UCK2: variants seen among roughly 807,000 people sequenced by gnomAD.
The protein encoded by UCK2 is cytidine monophosphokinase 2.
In UCK2, 6 loss-of-function variants were observed where a neutral mutation model predicts 30.8. That is an observed-to-expected ratio of 0.19 (90% confidence interval 0.11 to 0.38). The LOEUF (loss-of-function observed/expected upper bound fraction) is 0.38, where lower values mean the gene tolerates loss of function less well. UCK2 is among the 10% of genes least tolerant of loss of function. The probability of loss-of-function intolerance (pLI) is 1.00; values close to 1 mark genes in which losing one functional copy is unlikely to be tolerated. For synonymous variants in UCK2, 125 were observed against 133.6 expected (o/e 0.94, Z 0.45); for missense variants, 210 against 339.8 (o/e 0.62, Z 3.00).
At chr1:165,906,661 C>A (rs1647672822) in intron 6 of UCK2, among the ~76,000 whole-genome samples, 1 of 152,258 alleles carries the variant, frequency 6.6e-6, no homozygotes, top group Non-Finnish European at 1.5e-5. Flanking sequence ...AGCCATAGCA[C>A]CTGGCCCCAT....
intron 6 of UCK2, among the ~76,000 whole-genome samples, chr1:165,907,286 T>C (rs1647696365): frequency 6.6e-6 from 1 of 152,028 alleles, no homozygotes; most frequent in Non-Finnish European, 1.5e-5. Flanking sequence ...GGATGCTCTG[T>C]CTTAGGATGG....
chr1:165,868,235 A>T (rs1338001655), intron 1 of UCK2, among the ~76,000 whole-genome samples: 1 of 152,242 alleles, frequency 6.6e-6, no homozygotes, highest in East Asian at 1.9e-4. Flanking sequence ...CCATTTACAG[A>T]GCACAGGCAG....
rs530195309 is a variant in UCK2 at position 165,878,371 on chromosome 1, C to T, written c.100-11833C>T. ...TTTGAGACAGAGTCTTGCTCTGTCA[C>T]CCGGGCTGGAGTGCAATGGCGCAAT... On this transcript the variant is annotated intron_variant, in intron 1 of 6. Transcript: ENST00000367879. Among the ~76,000 whole-genome samples the T allele has an allele frequency of 2.0e-5, 3 of 151,602 alleles. No individual in the cohort carries two copies. The South Asian group carries it at 6.3e-4, about 32-fold the overall frequency.
At chr1:165,873,776 C>T (rs535261908) in intron 1 of UCK2, among the ~76,000 whole-genome samples, 11 of 152,254 alleles carry the variant, frequency 7.2e-5, no homozygotes, top group East Asian at 1.9e-4. Context: ...AGTGCCGAGA[C>T]GTGGGGGGTG....
chr1:165,902,361 A>G (rs1255725467), intron 4 of UCK2, among the ~76,000 whole-genome samples: 1 of 152,014 alleles, frequency 6.6e-6, no homozygotes, highest in Non-Finnish European at 1.5e-5. Context: ...GTAGTGAGCT[A>G]TGACTGTGCT....
intron 1 of UCK2, among the ~76,000 whole-genome samples, chr1:165,830,175 T>G (rs1356503326): frequency 6.6e-6 from 1 of 151,836 alleles, no homozygotes; most frequent in Non-Finnish European, 1.5e-5. Context: ...CCGACTAATT[T>G]TTTTTTTTTT....
chr1:165,895,526 A>G lies in UCK2; in HGVS notation c.357-664A>G, dbSNP rs942409009. 10 of 985,318 alleles carry G rather than the reference A, an allele frequency of 1.0e-5. No homozygotes were observed. The African/African-American group carries it at 1.7e-4, about 17-fold the overall frequency. The allele number at this position is 985,318 out of a possible 1,614,324, so 61.0% of individuals were successfully genotyped here. On this transcript the variant is annotated intron_variant, in intron 3 of 6. Transcript: ENST00000367879. The stretch of plus-strand genomic sequence containing the variant: ...GGTCATGCATATTTCTGCTTTATTG[A>G]TAAGGAAGAGCAGCTCTAGGGAGCT...
chr1:165,881,311 T>C (rs1361726450), intron 1 of UCK2, among the ~76,000 whole-genome samples: 1 of 152,190 alleles, frequency 6.6e-6, no homozygotes, highest in East Asian at 1.9e-4. Flanking sequence ...GTCAGAGTAT[T>C]TGTACTATAT....
chr1:165,840,117 C>G (rs1485886881), intron 1 of UCK2, among the ~76,000 whole-genome samples: 1 of 152,148 alleles, frequency 6.6e-6, no homozygotes, highest in Non-Finnish European at 1.5e-5. Flanking sequence ...CGGGGTTTCA[C>G]CATGTTGGCC....
chr1:165,874,796 G>C (rs578087639), intron 1 of UCK2, among the ~76,000 whole-genome samples: 1 of 152,292 alleles, frequency 6.6e-6, no homozygotes, highest in African/African-American at 2.4e-5. Context: ...AGTTGCTTGG[G>C]CATTCTAGAA....
intron 1 of UCK2, among the ~76,000 whole-genome samples, chr1:165,886,304 AT>A (rs201420135): frequency 0.014 from 2,142 of 151,270 alleles, 44 homozygotes; most frequent in Admixed American, 0.052. Context: ...TTTCTCTCTT[AT>A]TTTTTTAGAG....
At chr1:165,876,785 C>G (rs1337079264) in intron 1 of UCK2, among the ~76,000 whole-genome samples, 6 of 152,184 alleles carry the variant, frequency 3.9e-5, no homozygotes, top group African/African-American at 1.4e-4. Flanking sequence ...TCTGGAAGAT[C>G]TGAAGGAGAC....
At chr1:165,889,672 ACTCTTCT>A (rs1414397250) in intron 1 of UCK2, among the ~76,000 whole-genome samples, 1 of 137,272 alleles carries the variant, frequency 7.3e-6, no homozygotes, top group Non-Finnish European at 1.5e-5. Flanking sequence ...TGTAAGGCGG[ACTCTTCT>A]CCGTTAGCCT....
chr1:165,851,550 C>T (rs1188993950), intron 1 of UCK2, among the ~76,000 whole-genome samples: 3 of 152,112 alleles, frequency 2.0e-5, no homozygotes, highest in African/African-American at 4.8e-5. Flanking sequence ...TGCCACTCCC[C>T]GACCCCTGCA....
Position 165,833,565 on chromosome 1 carries a change from A to G in UCK2, c.99+5633A>G, listed in dbSNP as rs1368993274. ...CTTTGAAGTATGGTTTCTGATGCTC[A>G]CTCTGTTTGTGGTCACCTACCAGTT... On this transcript the variant is annotated intron_variant, in intron 1 of 6. Transcript: ENST00000367879. 9.2e-5 allele frequency among the ~76,000 whole-genome samples: 14 copies of G among 151,934 alleles called. No homozygotes were observed. The South Asian group carries it at 2.9e-3, about 32-fold the overall frequency.
chr1:165,841,499 T>C (rs1252319069), intron 1 of UCK2, among the ~76,000 whole-genome samples: 4 of 152,194 alleles, frequency 2.6e-5, no homozygotes, highest in Admixed American at 1.3e-4. Flanking sequence ...ACTACTTCTT[T>C]AATCCAGGTC....
intron 1 of UCK2, among the ~76,000 whole-genome samples, chr1:165,833,141 A>C (rs1477627332): frequency 6.6e-6 from 1 of 152,140 alleles, no homozygotes; most frequent in Non-Finnish European, 1.5e-5. Flanking sequence ...CTTGGTCGCC[A>C]TCCCCATCCA....
intron 4 of UCK2, among the ~76,000 whole-genome samples, chr1:165,897,048 G>A (rs1402508653): frequency 3.3e-5 from 5 of 152,226 alleles, no homozygotes; most frequent in Non-Finnish European, 7.3e-5. Context: ...GGATGTGGTG[G>A]GGTAGGGTGA....
At chr1:165,834,807 C>T (rs1425695490) in intron 1 of UCK2, among the ~76,000 whole-genome samples, 7 of 152,068 alleles carry the variant, frequency 4.6e-5, no homozygotes, top group Non-Finnish European at 1.5e-5. Context: ...CTGTGAATGC[C>T]TACACTTAAC....
Sources: gnomAD v4.1 joint callset for allele counts (sites outside exome capture counted in the v4.1 genomes callset) on GRCh38, gnomAD v4.1.1 for gene constraint, MANE v1.5 for transcripts, NCBI Gene and HGNC (gene_info 2026-07-23, HGNC 2026-07-21) for gene names.